SPOCK1: variants seen among roughly 807,000 people sequenced by gnomAD.
The protein encoded by SPOCK1 is testican-1.
SPOCK1 carries 23 observed loss-of-function variants against 55.3 expected under a neutral mutation model. The ratio of observed to expected loss-of-function variants is 0.42; its 90% CI spans 0.30 to 0.59. The LOEUF (loss-of-function observed/expected upper bound fraction) is 0.59, where lower values mean the gene tolerates loss of function less well. Ranked by LOEUF, SPOCK1 falls within the 20% of genes least tolerant of loss-of-function variation. The probability of loss-of-function intolerance (pLI) is 0.22; values close to 1 mark genes in which losing one functional copy is unlikely to be tolerated. For synonymous variants in SPOCK1, 226 were observed against 221.0 expected (o/e 1.02, Z -0.20); for missense variants, 499 against 552.5 (o/e 0.90, Z 0.97).
At chr5:137,430,904 A>G (rs955124167) in intron 2 of SPOCK1, among the ~76,000 whole-genome samples, 1 of 152,208 alleles carries the variant, frequency 6.6e-6, no homozygotes, top group African/African-American at 2.4e-5. Context: ...GGGTCATCAC[A>G]TGATCTAGTT....
chr5:137,066,987 C>CACACACACACACACAGAGAGAGAG (rs1343691789), intron 6 of SPOCK1, among the ~76,000 whole-genome samples: 25 of 139,586 alleles, frequency 1.8e-4, no homozygotes, highest in Non-Finnish European at 3.2e-4. Context: ...CACACACACA[C>CACACACACACACACAGAGAGAGAG]AGAGAGAGAG....
intron 3 of SPOCK1, among the ~76,000 whole-genome samples, chr5:137,205,633 A>G (rs1209624545): frequency 6.6e-6 from 1 of 152,194 alleles, no homozygotes; most frequent in African/African-American, 2.4e-5. Flanking sequence ...GGATCCTGAA[A>G]CATGCCTCTT....
At chr5:137,066,060 T>G (rs1040778269) in intron 6 of SPOCK1, among the ~76,000 whole-genome samples, 2 of 152,226 alleles carry the variant, frequency 1.3e-5, no homozygotes, top group Non-Finnish European at 2.9e-5. Flanking sequence ...AATGGCAGAC[T>G]TGGAGGCCAT....
intron 3 of SPOCK1, among the ~76,000 whole-genome samples, chr5:137,229,378 C>T (rs533341883): frequency 2.6e-5 from 4 of 152,266 alleles, no homozygotes; most frequent in South Asian, 2.1e-4. Context: ...GGGCTGGTCT[C>T]GAGGATGACT....
chr5:137,114,092 G>A (rs1753528339), intron 4 of SPOCK1, among the ~76,000 whole-genome samples: 1 of 152,294 alleles, frequency 6.6e-6, no homozygotes, highest in East Asian at 1.9e-4. Context: ...CATCAGAGAG[G>A]ATCAACAGGT....
rs141292558 is a variant in SPOCK1 at position 137,408,853 on chromosome 5, T to C, written c.186+89520A>G. On this transcript the variant is annotated intron_variant, in intron 2 of 10. Coordinates refer to ENST00000394945, the MANE Select transcript of SPOCK1 (RefSeq NM_004598.4). ...CTTACTAGCTGCATGGCCTTGCCCA[T>C]GCTTCTTAGCCTCTGGGAGCCTCAA... is the stretch of plus-strand genomic sequence containing the variant. Among the ~76,000 whole-genome samples, 679 of 152,304 alleles carry C rather than the reference T, an allele frequency of 4.5e-3. 4 individuals carry two copies. Among genetic ancestry groups the C allele is most frequent in the African/African-American group, 0.016 (647 of 41,572 alleles).
Position 137,313,443 on chromosome 5 carries a change from G to A in SPOCK1, c.187-46388C>T, listed in dbSNP as rs551180147. 64 of 985,380 alleles carry A rather than the reference G, an allele frequency of 6.5e-5. No homozygotes were observed. The Middle Eastern group carries it at 1.6e-3, about 24-fold the overall frequency. The allele number at this position is 985,380 out of a possible 1,614,324, so 61.0% of individuals were successfully genotyped here. A position where few individuals can be genotyped will look rare whatever the true frequency, so the allele number is the denominator to read the frequency against. On this transcript the variant is annotated intron_variant, in intron 2 of 10. Transcript: ENST00000394945. ...AGTGTCTTACCTGCTGCAAGGGGTG[G>A]TCTCAGGAAATCATCAGGGCACAGG...
intron 2 of SPOCK1, among the ~76,000 whole-genome samples, chr5:137,497,329 C>G (rs1376708763): frequency 6.6e-6 from 1 of 152,144 alleles, no homozygotes; most frequent in African/African-American, 2.4e-5. Flanking sequence ...TGATCAGAAA[C>G]AAACAAAAAG....
At chr5:137,159,451 GT>G (rs934362229) in intron 3 of SPOCK1, among the ~76,000 whole-genome samples, 2 of 152,080 alleles carry the variant, frequency 1.3e-5, no homozygotes, top group African/African-American at 4.8e-5. Flanking sequence ...CCAATATGTA[GT>G]TTTTTATCCT....
At chr5:137,117,001 C>T (rs969863567) in intron 4 of SPOCK1, among the ~76,000 whole-genome samples, 2 of 152,166 alleles carry the variant, frequency 1.3e-5, no homozygotes, top group Non-Finnish European at 2.9e-5. Flanking sequence ...GCCTAGTGAC[C>T]ACTTCTGGTT....
At chr5:137,197,984 G>A (rs976457966) in intron 3 of SPOCK1, among the ~76,000 whole-genome samples, 1 of 152,098 alleles carries the variant, frequency 6.6e-6, no homozygotes, top group African/African-American at 2.4e-5. Context: ...AAATAAGAAA[G>A]GCAAATAATT....
intron 3 of SPOCK1, among the ~76,000 whole-genome samples, chr5:137,245,142 C>T (rs967678043): frequency 2.0e-5 from 3 of 152,154 alleles, no homozygotes; most frequent in Non-Finnish European, 4.4e-5. Flanking sequence ...AACATGACCA[C>T]GTGTCCCACT....
chr5:137,167,059 T>C (rs1425482961), intron 3 of SPOCK1, among the ~76,000 whole-genome samples: 1 of 151,950 alleles, frequency 6.6e-6, no homozygotes, highest in African/African-American at 2.4e-5. Context: ...GAAAGATCTG[T>C]TGCCTATAGG....
intron 5 of SPOCK1, among the ~76,000 whole-genome samples, chr5:137,097,193 G>T (rs890938914): frequency 6.6e-6 from 1 of 152,122 alleles, no homozygotes; most frequent in Admixed American, 6.5e-5. Context: ...CTGGCCACTG[G>T]GGGGTAGACT....
intron 2 of SPOCK1, among the ~76,000 whole-genome samples, chr5:137,393,051 A>G (rs1231682959): frequency 6.6e-6 from 1 of 152,122 alleles, no homozygotes; most frequent in Non-Finnish European, 1.5e-5. Context: ...CTTTTCCAAT[A>G]CATACCCTTT....
chr5:137,183,417 G>C (rs1047599520), intron 3 of SPOCK1, among the ~76,000 whole-genome samples: 3 of 152,194 alleles, frequency 2.0e-5, no homozygotes, highest in African/African-American at 7.2e-5. Context: ...CCTTAAAGAG[G>C]ATGAAGAGAG....
rs67609274 is a variant in SPOCK1 at position 137,404,575 on chromosome 5, A to ATTT, written c.186+93795_186+93797dup. 7.3e-3 allele frequency among the ~76,000 whole-genome samples: 1,005 copies of ATTT among 137,822 alleles called. 13 individuals carry two copies. The highest frequency in any genetic ancestry group is 0.026 in the African/African-American group (941 of 36,808). 90.4% of individuals were successfully genotyped at this position (137,822 alleles called of 152,430 possible). A position where few individuals can be genotyped will look rare whatever the true frequency, so the allele number is the denominator to read the frequency against. On this transcript the variant is annotated intron_variant, in intron 2 of 10. Transcript: ENST00000394945. ...CAGGCCCTGCCACCACACCCAGCTA[A>ATTT]TTTTTTTTTTTTTTTTGTATTTTTA... is the stretch of plus-strand genomic sequence containing the variant.
chr5:137,196,542 G>A (rs1354454996), intron 3 of SPOCK1, among the ~76,000 whole-genome samples: 4 of 152,162 alleles, frequency 2.6e-5, no homozygotes, highest in Non-Finnish European at 4.4e-5. Flanking sequence ...AACATGTGAT[G>A]CCACTGGCTG....
At chr5:137,420,450 T>C (rs1488988598) in intron 2 of SPOCK1, among the ~76,000 whole-genome samples, 2 of 152,204 alleles carry the variant, frequency 1.3e-5, no homozygotes, top group Non-Finnish European at 2.9e-5. Context: ...GTTGGTAAGC[T>C]ATTAATTATT....
Sources: allele counts gnomAD v4.1 joint callset (sites outside exome capture counted in the v4.1 genomes callset), GRCh38; gene constraint gnomAD v4.1.1; transcripts MANE v1.5; gene names NCBI Gene and HGNC (gene_info 2026-07-23, HGNC 2026-07-21).